Variants in TMEM106B observed in about 807,000 individuals in gnomAD.
TMEM106B encodes the protein transmembrane protein 106B.
In TMEM106B, 15 loss-of-function variants were observed where a neutral mutation model predicts 31.1. The ratio of observed to expected loss-of-function variants is 0.48; its 90% confidence interval spans 0.32 to 0.74. The LOEUF (loss-of-function observed/expected upper bound fraction) is 0.74, where lower values mean the gene tolerates loss of function less well. Ranked by LOEUF, TMEM106B falls within the 30% of genes least tolerant of loss-of-function variation. TMEM106B has a pLI of 0.03. For synonymous variants in TMEM106B, 126 were observed against 112.5 expected (o/e 1.12, Z -0.76); for missense variants, 283 against 327.3 (o/e 0.86, Z 1.04).
intron 5 of TMEM106B, among the ~76,000 whole-genome samples, 198 bp from the exon 6 acceptor site, chr7:12,230,191 G>A (rs12668625): frequency 0.5 from 76,322 of 151,522 alleles, 20,319 homozygotes; most frequent in African/African-American, 0.66. Flanking sequence ...ACTCCAAACT[G>A]GGTGACACAG....
rs113693886 is a variant in TMEM106B at position 12,213,435 on chromosome 7, C to T, written c.-2-1374C>T. Among the ~76,000 whole-genome samples the T allele has an allele frequency of 4.4e-3, 668 of 152,292 alleles. 11 individuals are homozygous for T. Among genetic ancestry groups the T allele is most frequent in the African/African-American group, 0.015 (638 of 41,546 alleles). Reference sequence around the variant, plus strand: ...GTGCGTGAATTTTCAGAGGCTGAAACGTACTACTTTGAAGTTACTTGGTGA... The same window carrying T: ...GTGCGTGAATTTTCAGAGGCTGAAATGTACTACTTTGAAGTTACTTGGTGA... On this transcript the variant is annotated intron_variant, in intron 1 of 7. Coordinates refer to ENST00000396668, the MANE Select transcript of TMEM106B (RefSeq NM_001134232.2).
rs1782195354 is a variant in TMEM106B, at chr7:12,239,121, T to C, written c.*7146T>C. On this transcript the variant is annotated 3_prime_UTR_variant, in exon 8 of 8. Coordinates refer to ENST00000396668, the MANE Select transcript of TMEM106B (RefSeq NM_001134232.2). ...CATCAATGATCTTAGCTAGATATTC[T>C]GGGTAACTTACTGCAGGTTCTCCAT... 6.6e-6 allele frequency: 1 copy of C among 152,194 alleles called. No individual in the cohort carries two copies. The highest frequency in any genetic ancestry group is 2.4e-5 in the African/African-American group (1 of 41,460). 9.4% of individuals were successfully genotyped at this position (152,194 alleles called of 1,614,324 possible).
rs1204611355 is a variant in TMEM106B, at chr7:12,235,040, T to C, written c.*3065T>C. On this transcript the variant is annotated 3_prime_UTR_variant, in exon 8 of 8. Coordinates refer to ENST00000396668, the MANE Select transcript of TMEM106B (RefSeq NM_001134232.2). ...CCCTGCTGACTCAGATTGGTATGAT[T>C]AAAAATGAGAGGAAAGTTCAAATAG... The C allele has an allele frequency of 6.6e-6, 1 of 152,240 alleles. No homozygotes were observed. The highest frequency in any genetic ancestry group is 1.5e-5 in the Non-Finnish European group (1 of 67,840). The allele number at this position is 152,240 out of a possible 1,614,324, so 9.4% of individuals were successfully genotyped here.
rs756029113 is a variant in TMEM106B, at chr7:12,233,815, A to G, written c.*1840A>G. ...TTGACATGATCTATGTCTATATATG[A>G]TATAGGTCCCCTTTTGTCTCAAAAT... On this transcript the variant is annotated 3_prime_UTR_variant, in exon 8 of 8. Coordinates refer to ENST00000396668, the MANE Select transcript of TMEM106B (RefSeq NM_001134232.2). The G allele has an allele frequency of 7.9e-5, 12 of 151,390 alleles. No homozygotes were observed. The highest frequency in any genetic ancestry group is 1.6e-4 in the Non-Finnish European group (11 of 67,654). The allele number at this position is 151,390 out of a possible 1,614,324, so 9.4% of individuals were successfully genotyped here. A position where few individuals can be genotyped will look rare whatever the true frequency, so the allele number is the denominator to read the frequency against.
chr7:12,222,903 C>T (rs928956682), intron 3 of TMEM106B, among the ~76,000 whole-genome samples: 1 of 151,988 alleles, frequency 6.6e-6, no homozygotes, highest in African/African-American at 2.4e-5. Flanking sequence ...GTAATACATA[C>T]AAAGATTAAA....
chr7:12,212,061 A>C (rs58899533), intron 1 of TMEM106B, among the ~76,000 whole-genome samples: 1 of 152,334 alleles, frequency 6.6e-6, no homozygotes, highest in African/African-American at 2.4e-5. Flanking sequence ...CTCTAAGGAA[A>C]ATCTAGTAGA....
chr7:12,237,952 T>A lies in TMEM106B; in HGVS notation c.*5977T>A, dbSNP rs1158621137. 2.6e-5 allele frequency: 4 copies of A among 152,204 alleles called. No homozygotes were observed. 9.4% of individuals were successfully genotyped at this position (152,204 alleles called of 1,614,324 possible). ...TGTCTGGATGTTGTTTGCTGATAGA[T>A]CCATGTAGTGGTTACTAAAGTTGGG... is the stretch of plus-strand genomic sequence containing the variant. On this transcript the variant is annotated 3_prime_UTR_variant, in exon 8 of 8. Coordinates refer to ENST00000396668, the MANE Select transcript of TMEM106B (RefSeq NM_001134232.2).
Position 12,238,231 on chromosome 7 carries a change from A to T in TMEM106B, c.*6256A>T, listed in dbSNP as rs188259155. On this transcript the variant is annotated 3_prime_UTR_variant, in exon 8 of 8. Coordinates refer to ENST00000396668, the MANE Select transcript of TMEM106B (RefSeq NM_001134232.2). ...CTTCACCAGGAGTAGATTCCAACTCAAGAAACCACTTTCTTAGCTCATTCA... is the reference window on the plus strand; with the variant it reads ...CTTCACCAGGAGTAGATTCCAACTCTAGAAACCACTTTCTTAGCTCATTCA... 1 of 169,232 alleles carries T rather than the reference A, an allele frequency of 5.9e-6. No homozygotes were observed. Among genetic ancestry groups the T allele is most frequent in the Non-Finnish European group, 1.2e-5 (1 of 82,114 alleles). The allele number at this position is 169,232 out of a possible 1,614,324, so 10.5% of individuals were successfully genotyped here.
intron 4 of TMEM106B, among the ~76,000 whole-genome samples, chr7:12,228,649 T>C (rs964395109): frequency 3.3e-5 from 5 of 152,008 alleles, no homozygotes; most frequent in Admixed American, 6.5e-5. Flanking sequence ...CCGATCAAAG[T>C]CTATACATAA....
In TMEM106B at chr7:12,223,765, G is replaced by C. The variant is rs7779736; in HGVS notation, c.282-461G>C. On this transcript the variant is annotated intron_variant, in intron 3 of 7. Coordinates refer to ENST00000396668, the MANE Select transcript of TMEM106B (RefSeq NM_001134232.2). Reference sequence around the variant, plus strand: ...GTACAGAGTCTCGCTCTCTCGTCCAGGCAGGAGTGCGGTGGTGCGATCTCA... The same window carrying C: ...GTACAGAGTCTCGCTCTCTCGTCCACGCAGGAGTGCGGTGGTGCGATCTCA... Among the ~76,000 whole-genome samples the C allele has an allele frequency of 4.1e-3, 592 of 146,104 alleles. 6 individuals are homozygous for C. The highest frequency in any genetic ancestry group is 0.015 in the African/African-American group (564 of 38,876).
rs1342393733 is a variant in TMEM106B at position 12,224,250 on chromosome 7, G to T, written c.306G>T (p.Val102=). ...GAAAGCTGTATGTGATGGCTTCTGTGTTTGTCTGTCTACTCCTTTCTGGAT... is the reference window on the plus strand; with the variant it reads ...GAAAGCTGTATGTGATGGCTTCTGTTTTTGTCTGTCTACTCCTTTCTGGAT... ...RRTKLYVMAS[V]FVCLLLSGLA... The change falls in exon 4 of 8, where the codon GTG becomes GTT. Residue 102 remains valine (V), a synonymous_variant. Transcript: ENST00000396668. The T allele has an allele frequency of 6.2e-7, 1 of 1,613,694 alleles. No homozygotes were observed.
intron 3 of TMEM106B, 39 bp downstream of exon 3, chr7:12,218,560 A>T (rs778890557): frequency 6.4e-7 from 1 of 1,552,172 alleles, no homozygotes; most frequent in African/African-American, 1.4e-5. Flanking sequence ...TTTATGTTTT[A>T]TTTTTGTTTT....
At chr7:12,221,634 A>G (rs1781789284) in intron 3 of TMEM106B, among the ~76,000 whole-genome samples, 1 of 152,206 alleles carries the variant, frequency 6.6e-6, no homozygotes, top group Non-Finnish European at 1.5e-5. Flanking sequence ...AAGCCCTATG[A>G]TTGCACCAGC....
intron 1 of TMEM106B, 75 bp downstream of exon 1, chr7:12,211,500 C>G (rs915167468): frequency 6.6e-6 from 1 of 152,578 alleles, no homozygotes; most frequent in African/African-American, 2.4e-5. Context: ...CGGCTTGAGC[C>G]GGGCCTGACA....
At chr7:12,223,571 T>C (rs1243465210) in intron 3 of TMEM106B, among the ~76,000 whole-genome samples, 1 of 152,100 alleles carries the variant, frequency 6.6e-6, no homozygotes, top group Non-Finnish European at 1.5e-5. Context: ...ATGTGAAAAT[T>C]CTGCTTCAGT....
At chr7:12,214,019 T>G (rs1386412906) in intron 1 of TMEM106B, among the ~76,000 whole-genome samples, 1 of 152,192 alleles carries the variant, frequency 6.6e-6, no homozygotes, top group African/African-American at 2.4e-5. Flanking sequence ...AACAAGAGTC[T>G]CTTTGTAGCA....
chr7:12,231,003 G>A, intron 6 of TMEM106B, 59 bp from the exon 7 acceptor site: 5 of 1,248,918 alleles, frequency 4.0e-6, no homozygotes, highest in Non-Finnish European at 5.7e-6. Flanking sequence ...ATAGGAGGGA[G>A]AATTTTTAAT....
chr7:12,224,299 C>G lies in TMEM106B; in HGVS notation c.355C>G (p.Arg119Gly). The G allele has an allele frequency of 6.2e-7, 1 of 1,614,032 alleles. No individual in the cohort carries two copies. Among genetic ancestry groups the G allele is most frequent in the Non-Finnish European group, 8.5e-7 (1 of 1,179,952 alleles). The change falls in exon 4 of 8, where the codon CGC (arginine) becomes GGC (glycine). Residue 119 changes from arginine to glycine, a missense_variant. By Grantham distance (125) the Arg-to-Gly change is moderately radical (BLOSUM62 -2). This residue lies in a region of TMEM106B where 201 missense variants were observed against 211.5 expected (regional missense o/e 0.95). Transcript: ENST00000396668. ...SGLAVFFLFPRSIDVKYIGVK... is the reference protein window; with the variant it reads ...SGLAVFFLFPGSIDVKYIGVK... ...ATTGGCTGTGTTTTTCCTTTTCCCT[C>G]GCTCTATCGACGTGAAATACATTGG...
chr7:12,212,910 A>G (rs1199063222), intron 1 of TMEM106B, among the ~76,000 whole-genome samples: 2 of 152,188 alleles, frequency 1.3e-5, no homozygotes, highest in African/African-American at 4.8e-5. Context: ...ATTTTTAGGA[A>G]CCGCTAAAAG....
Sources: allele counts gnomAD v4.1 joint callset (sites outside exome capture counted in the v4.1 genomes callset), GRCh38; gene constraint gnomAD v4.1.1; regional missense constraint gnomAD v4.1.1; transcripts MANE v1.5; gene names NCBI Gene and HGNC (gene_info 2026-07-23, HGNC 2026-07-21).